The following MLLT10 variants were observed in gnomAD, a reference collection of about 807,000 sequenced individuals.
MLLT10 encodes the protein protein AF-10.
Under a neutral mutation model 129.1 loss-of-function variants are expected in MLLT10, and 30 were observed. That is an observed-to-expected ratio of 0.23 (90% confidence interval 0.17 to 0.32). The LOEUF (loss-of-function observed/expected upper bound fraction) is 0.32, where lower values mean the gene tolerates loss of function less well. MLLT10 is among the 10% of genes least tolerant of loss of function. MLLT10 has a pLI of 1.00. For missense variants in MLLT10, 1,119 were observed against 1,268.3 expected (o/e 0.88, Z 1.79); for synonymous variants, 490 against 446.4 (o/e 1.10, Z -1.23).
At chr10:21,677,509 G>A (rs1469414690) in intron 11 of MLLT10, among the ~76,000 whole-genome samples, 1 of 152,120 alleles carries the variant, frequency 6.6e-6, no homozygotes, top group East Asian at 1.9e-4. Flanking sequence ...ACATCTTCCT[G>A]TGTACTTAAA....
At chr10:21,615,430 C>T (rs1353707030) in intron 7 of MLLT10, among the ~76,000 whole-genome samples, 1 of 127,796 alleles carries the variant, frequency 7.8e-6, no homozygotes, top group African/African-American at 2.9e-5. Context: ...ACACTCCAGC[C>T]TGGGAAACAA....
At chr10:21,552,112 G>A (rs906845645) in intron 3 of MLLT10, among the ~76,000 whole-genome samples, 5 of 151,946 alleles carry the variant, frequency 3.3e-5, no homozygotes, top group Non-Finnish European at 7.4e-5. Flanking sequence ...TTTTTTGTAC[G>A]GATGGGGTCT....
intron 3 of MLLT10, among the ~76,000 whole-genome samples, chr10:21,567,075 A>G (rs577255100): frequency 2.0e-4 from 30 of 152,190 alleles, no homozygotes; most frequent in African/African-American, 7.0e-4. Flanking sequence ...GGCCTCCCAA[A>G]GTGATGGGAT....
At chr10:21,540,513 A>G (rs1257703242) in intron 3 of MLLT10, among the ~76,000 whole-genome samples, 1 of 152,136 alleles carries the variant, frequency 6.6e-6, no homozygotes, top group Non-Finnish European at 1.5e-5. Flanking sequence ...CCATGACTCC[A>G]GCCTGGGTGA....
At chr10:21,649,617 G>A (rs943830720) in intron 8 of MLLT10, among the ~76,000 whole-genome samples, 17 of 152,190 alleles carry the variant, frequency 1.1e-4, no homozygotes, top group African/African-American at 3.9e-4. Context: ...CATGTCTGGC[G>A]CCAGGCGCTG....
chr10:21,541,184 G>C (rs2035085558), intron 3 of MLLT10: 3 of 151,956 alleles, frequency 2.0e-5, no homozygotes, highest in Non-Finnish European at 4.4e-5. Context: ...AATAATGGTT[G>C]AGTAACCTAT....
chr10:21,564,513 C>T (rs951579948), intron 3 of MLLT10: 1 of 150,576 alleles, frequency 6.6e-6, no homozygotes, highest in African/African-American at 2.4e-5. Flanking sequence ...CATTACTGTT[C>T]AGGGAGCATG....
At chr10:21,667,880 A>G (rs796569232) in intron 9 of MLLT10, among the ~76,000 whole-genome samples, 2 of 152,124 alleles carry the variant, frequency 1.3e-5, no homozygotes, top group Non-Finnish European at 2.9e-5. Flanking sequence ...ATGCTATTGT[A>G]TAGGTATATT....
At chr10:21,557,673 C>T (rs1206597282) in intron 3 of MLLT10, 20 of 152,056 alleles carry the variant, frequency 1.3e-4, no homozygotes, top group Non-Finnish European at 2.9e-4. Context: ...TGTTTCCAGC[C>T]CCTTTTACCA....
chr10:21,587,585 A>C (rs2042108342), intron 4 of MLLT10, among the ~76,000 whole-genome samples: 1 of 152,138 alleles, frequency 6.6e-6, no homozygotes, highest in African/African-American at 2.4e-5. Flanking sequence ...ATGTGTAGAC[A>C]TGAGTTTATT....
At chr10:21,726,681 C>CTTTTT (rs35036202) in intron 15 of MLLT10, among the ~76,000 whole-genome samples, 49 of 87,602 alleles carry the variant, frequency 5.6e-4, no homozygotes, top group East Asian at 9.2e-4. Flanking sequence ...TAGCAATGTC[C>CTTTTT]TTTTTTTTTT....
At chr10:21,631,031 T>C (rs938525229) in intron 8 of MLLT10, among the ~76,000 whole-genome samples, 3 of 151,852 alleles carry the variant, frequency 2.0e-5, no homozygotes, top group African/African-American at 7.3e-5. Context: ...GAAAAGTACG[T>C]CGGGCGCGGT....
chr10:21,718,807 T>C (rs1002107433), intron 14 of MLLT10, among the ~76,000 whole-genome samples: 2 of 152,246 alleles, frequency 1.3e-5, no homozygotes, highest in African/African-American at 4.8e-5. Flanking sequence ...CTGCAAACTC[T>C]GCCCCTGCCA....
Position 21,735,215 on chromosome 10 carries a change from A to C in MLLT10, c.2935A>C (p.Asn979His), listed in dbSNP as rs1174434617. The C allele has an allele frequency of 1.2e-6, 2 of 1,613,634 alleles. No individual in the cohort carries two copies. The highest frequency in any genetic ancestry group is 1.6e-4 in the Middle Eastern group (1 of 6,062). Reference protein sequence around the residue: ...IHQQQFQQLLNSQQLTPEQHQ... With the variant: ...IHQQQFQQLLHSQQLTPEQHQ... ...TCAACAGCAGTTTCAGCAGTTGTTA[A>C]ATTCTCAACAGCTCACACCAGTAAG... The change falls in exon 21 of 23, where the codon AAT becomes CAT. Residue 979 changes from asparagine (N) to histidine (H), a missense_variant. Coordinates refer to ENST00000307729, the MANE Select transcript of MLLT10 (RefSeq NM_001195626.3).
chr10:21,564,992 G>C (rs768490798), intron 3 of MLLT10, among the ~76,000 whole-genome samples: 23 of 152,032 alleles, frequency 1.5e-4, no homozygotes, highest in Admixed American at 3.3e-4. Flanking sequence ...CTCTATAGTG[G>C]ATTTGTGCAT....
intron 3 of MLLT10, among the ~76,000 whole-genome samples, chr10:21,569,723 C>T (rs2039996495): frequency 1.3e-5 from 2 of 150,380 alleles, no homozygotes; most frequent in African/African-American, 4.9e-5. Flanking sequence ...GCCCGGCCCA[C>T]CCAGTTAATT....
rs1197615318 is a variant in MLLT10, at chr10:21,734,009, T to C, written c.2738T>C (p.Val913Ala). 8 of 1,614,218 alleles carry C rather than the reference T, an allele frequency of 5.0e-6. No individual in the cohort carries two copies. Among genetic ancestry groups the C allele is most frequent in the Non-Finnish European group, 5.1e-6 (6 of 1,180,028 alleles). Residue 913 changes from valine to alanine, a missense_variant, in exon 20 of 23, where the codon GTA (valine) becomes GCA (alanine). This residue lies in a region of MLLT10 where 1,004 missense variants were observed against 1,008.7 expected (regional missense o/e 1.00). Coordinates refer to ENST00000307729, the MANE Select transcript of MLLT10 (RefSeq NM_001195626.3). ...AACCAACTGGCAATTAATGGCATTG[T>C]AGGAGCTTTAAATGGGGTTATGCAG... ...PGNQLAINGI[V>A]GALNGVMQTP...
intron 5 of MLLT10, among the ~76,000 whole-genome samples, chr10:21,600,952 C>G (rs1308262840): frequency 6.6e-6 from 1 of 152,046 alleles, no homozygotes; most frequent in African/African-American, 2.4e-5. Context: ...CCACTCCCCT[C>G]TTCTTTTTTT....
intron 3 of MLLT10, among the ~76,000 whole-genome samples, chr10:21,575,919 G>C (rs765898769): frequency 6.6e-6 from 1 of 151,320 alleles, no homozygotes; most frequent in Admixed American, 6.6e-5. Context: ...TTTTTTTCTT[G>C]TTGTTTGTTT....
Sources: allele counts gnomAD v4.1 joint callset (sites outside exome capture counted in the v4.1 genomes callset), GRCh38; gene constraint gnomAD v4.1.1; regional missense constraint gnomAD v4.1.1; transcripts MANE v1.5; gene names NCBI Gene and HGNC (gene_info 2026-07-23, HGNC 2026-07-21).